Variants in DIDO1 observed in about 807,000 individuals in gnomAD.
The protein encoded by DIDO1 is death inducer-obliterator 1.
DIDO1 carries 16 observed loss-of-function variants against 99.4 expected under a neutral mutation model. The ratio of observed to expected loss-of-function variants is 0.16; its 90% CI spans 0.11 to 0.24. DIDO1 has a LOEUF of 0.24. Among genes scored for constraint, DIDO1 ranks in the 10% least tolerant of loss-of-function variants. DIDO1 has a pLI of 1.00. For synonymous variants in DIDO1, 1,366 were observed against 1,239.1 expected, an observed-to-expected ratio of 1.10 and a Z score of -2.15; for missense variants, 2,996 against 3,014.0, an observed-to-expected ratio of 0.99 and a Z score of 0.14.
upstream of DIDO1, chr20:62,929,151 A>C (rs1173545935): frequency 6.6e-6 from 1 of 152,244 alleles, no homozygotes; most frequent in Non-Finnish European, 1.5e-5. Flanking sequence ...GCGCTTCCTG[A>C]TTCCGCACAG....
upstream of DIDO1, among the ~76,000 whole-genome samples, chr20:62,926,681 C>T (rs1342159971): frequency 6.6e-6 from 1 of 152,224 alleles, no homozygotes; most frequent in African/African-American, 2.4e-5. Context: ...CTGACAATGA[C>T]TTGCTTGCAT....
intron 6 of DIDO1, chr20:62,905,458 G>C: frequency 6.5e-7 from 1 of 1,538,916 alleles, no homozygotes; most frequent in Non-Finnish European, 8.8e-7. Flanking sequence ...TCATGTGCTG[G>C]CCGTGGACAA....
At chr20:62,935,070 G>A (rs1338507786) in intron 1 of DIDO1, among the ~76,000 whole-genome samples, 1 of 152,124 alleles carries the variant, frequency 6.6e-6, no homozygotes, top group African/African-American at 2.4e-5. Flanking sequence ...AATTGAATGA[G>A]GCCCACGGTG....
chr20:62,901,034 G>A (rs547396635), intron 6 of DIDO1, among the ~76,000 whole-genome samples: 2 of 152,362 alleles, frequency 1.3e-5, no homozygotes, highest in Admixed American at 6.5e-5. Context: ...GCAGCGGCAA[G>A]AGAAAATGTT....
In DIDO1 at chr20:62,880,729, C is replaced by T; in HGVS notation, c.5227G>A (p.Val1743Met). 3.1e-6 allele frequency: 5 copies of T among 1,612,720 alleles called. No individual in the cohort carries two copies. Among genetic ancestry groups the T allele is most frequent in the South Asian group, 2.2e-5 (2 of 91,086 alleles). Residue 1743 changes from valine (V) to methionine (M), a missense_variant, in exon 16 of 16, where the codon GTG (valine) becomes ATG (methionine). Coordinates refer to ENST00000395343, the MANE Select transcript of DIDO1 (RefSeq NM_001193369.2). ...TGAAACGGGGGCTGAGAGCCCCCCA[C>T]TTTCTGTCCTGGTGGGGGGAGCGGG... Reference protein sequence around the residue: ...TAPLPPPGQKVGGSQPPFQGQ... With the variant: ...TAPLPPPGQKMGGSQPPFQGQ...
chr20:62,881,043 G>A lies in DIDO1; in HGVS notation c.4913C>T (p.Pro1638Leu), dbSNP rs1568823551. The A allele has an allele frequency of 6.2e-6, 10 of 1,604,278 alleles. No homozygotes were observed. The highest frequency in any genetic ancestry group is 8.5e-6 in the Non-Finnish European group (10 of 1,178,096). The change falls in exon 16 of 16, where the codon CCT becomes CTT. Residue 1638 changes from proline to leucine, a missense_variant. Coordinates refer to ENST00000395343, the MANE Select transcript of DIDO1 (RefSeq NM_001193369.2). This position sits in a 1 kb window ranked among gnomAD's most constrained non-coding sequence, Gnocchi z 8.3. Reference protein sequence around the residue: ...GSEQDGWKAEPGEGTRPATVG... With the variant: ...GSEQDGWKAELGEGTRPATVG... Reference sequence around the variant, plus strand: ...CGTGGCGGGGCGGGTGCCCTCCCCAGGCTCTGCCTTCCAGCCGTCCTGCTC... The same window carrying A: ...CGTGGCGGGGCGGGTGCCCTCCCCAAGCTCTGCCTTCCAGCCGTCCTGCTC...
At chr20:62,887,745 A>G (rs887002624) in intron 15 of DIDO1, 8 of 985,494 alleles carry the variant, frequency 8.1e-6, no homozygotes, top group Non-Finnish European at 9.6e-6. Flanking sequence ...TTCCATGAAC[A>G]AGGCCCTGAG....
chr20:62,887,469 G>A, intron 15 of DIDO1: 1 of 985,460 alleles, frequency 1.0e-6, no homozygotes, highest in Non-Finnish European at 1.2e-6. Flanking sequence ...AAAGACCTCA[G>A]AGAAAAGAGC....
At chr20:62,889,948 G>A in intron 15 of DIDO1, 1 of 985,526 alleles carries the variant, frequency 1.0e-6, no homozygotes. Flanking sequence ...ATGGGCTCCA[G>A]TAGGAACGTG....
intron 5 of DIDO1, 31 bp from the exon 6 acceptor site, chr20:62,906,131 A>C: frequency 6.3e-7 from 1 of 1,587,172 alleles, no homozygotes; most frequent in Non-Finnish European, 8.6e-7. Context: ...CAAATCATTA[A>C]AAAGGTAAGA....
rs1004214110 is a variant in DIDO1, at chr20:62,890,517, T to C, written c.3541+443A>G. ...TTTCTAGAAATAGTTTTCTATGTCA[T>C]TATTGTTAAGTCTCCTGGAAATCCA... On this transcript the variant is annotated intron_variant, in intron 15 of 15. Coordinates refer to ENST00000395343, the MANE Select transcript of DIDO1 (RefSeq NM_001193369.2). 4 of 996,390 alleles carry C rather than the reference T, an allele frequency of 4.0e-6. No individual in the cohort carries two copies. The South Asian group carries it at 1.8e-4, about 45-fold the overall frequency. 61.7% of individuals were successfully genotyped at this position (996,390 alleles called of 1,614,324 possible).
intron 1 of DIDO1, among the ~76,000 whole-genome samples, chr20:62,923,846 G>A (rs1022377235): frequency 2.6e-5 from 4 of 152,188 alleles, no homozygotes; most frequent in Non-Finnish European, 4.4e-5. Flanking sequence ...GATACCCAAG[G>A]AGAGAAATGC....
chr20:62,889,830 C>G, intron 15 of DIDO1: 3 of 985,462 alleles, frequency 3.0e-6, no homozygotes, highest in Non-Finnish European at 3.6e-6. Context: ...ATTTAATGCA[C>G]CACGCCAGCA....
In DIDO1 at chr20:62,892,959, A is replaced by G; in HGVS notation, c.3105T>C (p.Thr1035=). 1 of 1,610,686 alleles carries G rather than the reference A, an allele frequency of 6.2e-7. No homozygotes were observed. Among genetic ancestry groups the G allele is most frequent in the Non-Finnish European group, 8.5e-7 (1 of 1,177,880 alleles). The change falls in exon 13 of 16, where the codon ACT becomes ACC. Residue 1035 remains threonine, a synonymous_variant. Coordinates refer to ENST00000395343, the MANE Select transcript of DIDO1 (RefSeq NM_001193369.2). ...CCTCTGGAGGGGAACGTGATTCTGA[A>G]GTGCTGTAAAACAAAACCATAAAAA... ...LSVPPSPNIS[T]SESRSPPEGD...
chr20:62,898,068 A>G (rs1373926576), intron 6 of DIDO1, among the ~76,000 whole-genome samples: 1 of 152,210 alleles, frequency 6.6e-6, no homozygotes, highest in East Asian at 1.9e-4. Flanking sequence ...CAAAACTCCC[A>G]AAGGCCTAAA....
chr20:62,886,837 G>T (rs2064304775), intron 15 of DIDO1, among the ~76,000 whole-genome samples: 1 of 152,200 alleles, frequency 6.6e-6, no homozygotes, highest in African/African-American at 2.4e-5. Context: ...AAGGGGTGAC[G>T]TATGACTTGG....
rs569349938 is a variant in DIDO1 at position 62,879,495 on chromosome 20, C to G, written c.6461G>C (p.Ser2154Thr). The G allele has an allele frequency of 1.3e-6, 2 of 1,594,808 alleles. No individual in the cohort carries two copies. The highest frequency in any genetic ancestry group is 8.5e-7 in the Non-Finnish European group (1 of 1,177,214). ...CTCGCGCTCTCGGTCGCGGTTGGCG[C>G]TCCTCTCCCGGTTTCTGTCCCAGTC... ...SRDWDRNRER[S>T]ANRDREREAD... Residue 2154 changes from serine (S) to threonine (T), a missense_variant, in exon 16 of 16, where the codon AGC (serine) becomes ACC (threonine). Transcript: ENST00000395343. This position sits in a 1 kb window ranked among gnomAD's most constrained non-coding sequence, Gnocchi z 6.3.
intron 15 of DIDO1, among the ~76,000 whole-genome samples, chr20:62,887,026 T>C (rs948277392): frequency 2.0e-5 from 3 of 152,164 alleles, no homozygotes; most frequent in African/African-American, 7.2e-5. Flanking sequence ...TTCTTCTGGG[T>C]GCCGGGGTGC....
chr20:62,906,899 AG>A (rs2064818819), intron 5 of DIDO1, among the ~76,000 whole-genome samples: 1 of 152,216 alleles, frequency 6.6e-6, no homozygotes, highest in South Asian at 2.1e-4. Flanking sequence ...TGTGTCCTGA[AG>A]TCTTATGCCC....
Sources: gnomAD v4.1 joint callset for allele counts (sites outside exome capture counted in the v4.1 genomes callset) on GRCh38, gnomAD v4.1.1 for gene constraint, Gnocchi (gnomAD v3.1) non-coding constraint, MANE v1.5 for transcripts, NCBI Gene and HGNC (gene_info 2026-07-23, HGNC 2026-07-21) for gene names.